TCERG1L: variants seen among roughly 807,000 people sequenced by gnomAD.
TCERG1L encodes the protein transcription elongation regulator 1 like, also known as transcription elongation regulator 1-like protein.
Under a neutral mutation model 56.3 loss-of-function variants are expected in TCERG1L, and 37 were observed. The observed-to-expected ratio is 0.66, with a 90% CI of 0.51 to 0.87. The LOEUF (loss-of-function observed/expected upper bound fraction) is 0.87, where lower values mean the gene tolerates loss of function less well. TCERG1L is among the 40% of genes least tolerant of loss of function. The pLI, the probability that TCERG1L is intolerant of heterozygous loss-of-function variation, is 0.00. For synonymous variants in TCERG1L, 324 were observed against 326.3 expected (o/e 0.99, Z 0.08); for missense variants, 799 against 774.2 (o/e 1.03, Z -0.38).
rs1845323661 is a variant in TCERG1L at position 131,103,618 on chromosome 10, A to G, written c.1485+647T>C. Reference sequence around the variant, plus strand: ...AGGTGGGAGGATGGCTTGATCCCAGAAGGTGGAGGTTGCAGTGAGCCAAGA... The same window carrying G: ...AGGTGGGAGGATGGCTTGATCCCAGGAGGTGGAGGTTGCAGTGAGCCAAGA... On this transcript the variant is annotated intron_variant, in intron 10 of 11. Transcript: ENST00000368642. This position sits in a 1 kb window ranked among gnomAD's most constrained non-coding sequence, Gnocchi z 4.3. 6.6e-6 allele frequency among the ~76,000 whole-genome samples: 1 copy of G among 152,162 alleles called. No homozygotes were observed. Among genetic ancestry groups the G allele is most frequent in the Non-Finnish European group, 1.5e-5 (1 of 68,038 alleles).
chr10:131,208,134 G>A (rs80083450), intron 4 of TCERG1L, among the ~76,000 whole-genome samples: 3,442 of 152,278 alleles, frequency 0.023, 112 homozygotes, highest in African/African-American at 0.072. Context: ...ACGGGACTAG[G>A]TGGAGTCAAT....
At position 131,279,603 on chromosome 10, in the gene TCERG1L, C is replaced by T. The variant is rs146894151; in HGVS notation, c.671-19159G>A. Among the ~76,000 whole-genome samples, 278 of 152,266 alleles carry T rather than the reference C, an allele frequency of 1.8e-3. 3 individuals carry two copies. The highest frequency in any genetic ancestry group is 6.3e-3 in the African/African-American group (261 of 41,554). ...CAAGGCGCCCAGATGAAGAGAAGACCATGGGCCATGCTGGCCTGCAATCCA... is the reference window on the plus strand; with the variant it reads ...CAAGGCGCCCAGATGAAGAGAAGACTATGGGCCATGCTGGCCTGCAATCCA... On this transcript the variant is annotated intron_variant, in intron 3 of 11. Coordinates refer to ENST00000368642, the MANE Select transcript of TCERG1L (RefSeq NM_174937.4).
chr10:131,310,254 T>C, intron 1 of TCERG1L, among the ~76,000 whole-genome samples: 1 of 152,232 alleles, frequency 6.6e-6, no homozygotes, highest in Non-Finnish European at 1.5e-5. Flanking sequence ...GGCAGCACTC[T>C]GATATAACAC....
At chr10:131,252,573 T>C (rs1589762315) in intron 4 of TCERG1L, among the ~76,000 whole-genome samples, 1 of 152,204 alleles carries the variant, frequency 6.6e-6, no homozygotes, top group East Asian at 1.9e-4. Context: ...TCTATTTGAG[T>C]GTTGGGACCG....
intron 4 of TCERG1L, among the ~76,000 whole-genome samples, chr10:131,173,663 T>C (rs1207641319): frequency 6.6e-6 from 1 of 152,156 alleles, no homozygotes; most frequent in Admixed American, 6.5e-5. Context: ...TTTCAGGGGT[T>C]AAAAACAAGA....
At chr10:131,248,209 AACT>A (rs1476869680) in intron 4 of TCERG1L, among the ~76,000 whole-genome samples, 3 of 145,104 alleles carry the variant, frequency 2.1e-5, no homozygotes, top group African/African-American at 8.0e-5. Context: ...ACTCACACAC[AACT>A]CTCTCACACA....
chr10:131,283,729 T>C (rs566180276), intron 3 of TCERG1L, among the ~76,000 whole-genome samples: 16 of 152,152 alleles, frequency 1.1e-4, no homozygotes, highest in Admixed American at 6.5e-4. Flanking sequence ...TAAAACTTCA[T>C]AGAAAGTTGA....
At chr10:131,143,302 G>A (rs1296445203) in intron 7 of TCERG1L, among the ~76,000 whole-genome samples, 1 of 152,134 alleles carries the variant, frequency 6.6e-6, no homozygotes, top group Non-Finnish European at 1.5e-5. Context: ...CAGTGAGAAG[G>A]CCCTCTCTTC....
At chr10:131,221,205 C>T (rs1037305677) in intron 4 of TCERG1L, among the ~76,000 whole-genome samples, 7 of 152,208 alleles carry the variant, frequency 4.6e-5, no homozygotes, top group Admixed American at 6.5e-5. Context: ...CACCCTGACC[C>T]GCCAAGAGCC....
At chr10:131,263,623 A>G (rs1846254416) in intron 3 of TCERG1L, among the ~76,000 whole-genome samples, 1 of 152,206 alleles carries the variant, frequency 6.6e-6, no homozygotes, top group African/African-American at 2.4e-5. Flanking sequence ...CCATCGTAAT[A>G]GGTGCTGTTC....
intron 4 of TCERG1L, among the ~76,000 whole-genome samples, chr10:131,204,252 G>A (rs1177830930): frequency 6.6e-6 from 1 of 152,218 alleles, no homozygotes; most frequent in Admixed American, 6.5e-5. Context: ...CCATTCTCCA[G>A]ACCTGTAAGA....
chr10:131,282,130 C>A (rs1419969990), intron 3 of TCERG1L, among the ~76,000 whole-genome samples: 1 of 115,530 alleles, frequency 8.7e-6, no homozygotes, highest in African/African-American at 3.1e-5. Context: ...AGCAAGACTC[C>A]ATCTCAGAAA....
At chr10:131,193,039 TA>T (rs985047946) in intron 4 of TCERG1L, among the ~76,000 whole-genome samples, 17 of 152,272 alleles carry the variant, frequency 1.1e-4, no homozygotes, top group African/African-American at 4.1e-4. Context: ...AATAAATAAA[TA>T]ATAGTTATTT....
At chr10:131,295,735 A>C (rs939792784) in intron 3 of TCERG1L, among the ~76,000 whole-genome samples, 2 of 152,202 alleles carry the variant, frequency 1.3e-5, no homozygotes, top group Non-Finnish European at 2.9e-5. Context: ...GGAAACATTC[A>C]ATATTCCAAT....
In TCERG1L at chr10:131,137,470, C is replaced by G. The variant is rs1415829249; in HGVS notation, c.1190-3022G>C. ...TCCGCCTGACTGCCTTTCTGCACCT[C>G]GTGGCGTTTGAAATCTTTTCCAAGG... is the stretch of plus-strand genomic sequence containing the variant. On this transcript the variant is annotated intron_variant, in intron 7 of 11. Coordinates refer to ENST00000368642, the MANE Select transcript of TCERG1L (RefSeq NM_174937.4). 3.3e-5 allele frequency among the ~76,000 whole-genome samples: 5 copies of G among 152,326 alleles called. No homozygotes were observed. The South Asian group carries it at 6.2e-4, about 19-fold the overall frequency.
At chr10:131,282,504 C>A (rs139343386) in intron 3 of TCERG1L, among the ~76,000 whole-genome samples, 1 of 152,108 alleles carries the variant, frequency 6.6e-6, no homozygotes, top group Non-Finnish European at 1.5e-5. Flanking sequence ...ACAAGACCTC[C>A]CTCTCTGAAA....
intron 8 of TCERG1L, among the ~76,000 whole-genome samples, chr10:131,133,969 C>T (rs1358789765): frequency 1.3e-5 from 2 of 152,164 alleles, no homozygotes; most frequent in Admixed American, 1.3e-4. Flanking sequence ...GCTGACTTTG[C>T]CCAAAGTCAT....
At chr10:131,178,600 T>C (rs913256872) in intron 4 of TCERG1L, among the ~76,000 whole-genome samples, 11 of 152,168 alleles carry the variant, frequency 7.2e-5, no homozygotes, top group Non-Finnish European at 1.5e-4. Context: ...AAACTGGGTG[T>C]GGAGACCTTC....
chr10:131,230,736 G>A lies in TCERG1L; in HGVS notation c.856+29523C>T, dbSNP rs140778733. Among the ~76,000 whole-genome samples, 160 of 152,284 alleles carry A rather than the reference G, an allele frequency of 1.1e-3. 1 individual carries two copies. Among genetic ancestry groups the A allele is most frequent in the African/African-American group, 3.2e-3 (135 of 41,562 alleles). ...AAACCTCAGGCATCTCCAGGGCCAC[G>A]CATGGCTACTCACAGCCAGACAGCC... On this transcript the variant is annotated intron_variant, in intron 4 of 11. Transcript: ENST00000368642.
Sources: gnomAD v4.1 joint callset for allele counts (sites outside exome capture counted in the v4.1 genomes callset) on GRCh38, gnomAD v4.1.1 for gene constraint, Gnocchi (gnomAD v3.1) non-coding constraint, MANE v1.5 for transcripts, NCBI Gene and HGNC (gene_info 2026-07-23, HGNC 2026-07-21) for gene names.